TBC1D5: variants seen among roughly 807,000 people sequenced by gnomAD.
TBC1D5 encodes TBC1 domain family member 5, also known as TBC1 domain family, member 5.
A neutral mutation model predicts 100.3 loss-of-function variants in TBC1D5; 75 were observed. The ratio of observed to expected loss-of-function variants is 0.75; its 90% CI spans 0.62 to 0.91. TBC1D5 has a LOEUF of 0.91. Ranked by LOEUF, TBC1D5 falls within the 40% of genes least tolerant of loss-of-function variation. TBC1D5 has a pLI of 0.00. For synonymous variants in TBC1D5, 323 were observed against 325.6 expected, an observed-to-expected ratio of 0.99 and a Z score of 0.09; for missense variants, 910 against 942.4, an observed-to-expected ratio of 0.97 and a Z score of 0.45.
intron 15 of TBC1D5, among the ~76,000 whole-genome samples, chr3:17,285,906 AGT>A (rs1478229658): frequency 6.6e-6 from 1 of 152,242 alleles, no homozygotes; most frequent in Non-Finnish European, 1.5e-5. Flanking sequence ...ATATTTTTAT[AGT>A]GTGTTTCTGT....
At chr3:17,740,589 A>T (rs1195284681) in exon 1 of TBC1D5, 1 of 152,206 alleles carries the variant, frequency 6.6e-6, no homozygotes, top group Non-Finnish European at 1.5e-5. Context: ...GACATTTCTA[A>T]ACTTTTTAAT....
intron 2 of TBC1D5, chr3:17,586,580 T>C (rs1576860027): frequency 6.6e-6 from 1 of 152,030 alleles, no homozygotes; most frequent in South Asian, 2.1e-4. Context: ...ATAAATAAAA[T>C]AGCTGCAAAT....
intron 1 of TBC1D5, among the ~76,000 whole-genome samples, chr3:17,724,236 G>A (rs1418090648): frequency 6.6e-6 from 1 of 151,852 alleles, no homozygotes; most frequent in Non-Finnish European, 1.5e-5. Flanking sequence ...GGGACCACCA[G>A]CACACGCCAC....
chr3:17,188,584 T>C (rs921022530), intron 18 of TBC1D5, among the ~76,000 whole-genome samples: 7 of 152,240 alleles, frequency 4.6e-5, no homozygotes, highest in African/African-American at 1.2e-4. Flanking sequence ...AAAACATTTC[T>C]AAACCCTTCA....
chr3:17,214,244 G>A, exon 18 of TBC1D5: 2 of 1,613,326 alleles, frequency 1.2e-6, no homozygotes, highest in South Asian at 2.2e-5. Context: ...GTGTGAGCGA[G>A]AACGTGAGAT....
chr3:17,241,882 A>C (rs182274344), intron 16 of TBC1D5, among the ~76,000 whole-genome samples: 83 of 152,270 alleles, frequency 5.5e-4, no homozygotes, highest in Admixed American at 1.5e-3. Flanking sequence ...ACCCAAAAAA[A>C]CCCCAAATTA....
chr3:17,524,705 A>C (rs188235676), intron 2 of TBC1D5: 1 of 149,262 alleles, frequency 6.7e-6, no homozygotes, highest in East Asian at 2.0e-4. Context: ...CTAAAAATAC[A>C]AAAAAAAAAT....
intron 3 of TBC1D5, among the ~76,000 whole-genome samples, chr3:17,486,751 G>C (rs2095574047): frequency 1.3e-5 from 2 of 152,150 alleles, no homozygotes; most frequent in Admixed American, 1.3e-4. Flanking sequence ...TCACCCTCTA[G>C]ATCTACTGCA....
chr3:17,369,504 G>A (rs954901379), intron 13 of TBC1D5, among the ~76,000 whole-genome samples: 3 of 152,020 alleles, frequency 2.0e-5, no homozygotes, highest in Non-Finnish European at 4.4e-5. Flanking sequence ...TCATTTCAGA[G>A]CCTATGCTTC....
At chr3:17,460,833 T>A (rs2095192411) in intron 3 of TBC1D5, among the ~76,000 whole-genome samples, 1 of 151,842 alleles carries the variant, frequency 6.6e-6, no homozygotes, top group African/African-American at 2.4e-5. Context: ...AATATACTAG[T>A]GGGTCAGAAA....
intron 12 of TBC1D5, among the ~76,000 whole-genome samples, chr3:17,373,834 C>T (rs897436754): frequency 6.6e-6 from 1 of 151,914 alleles, no homozygotes; most frequent in African/African-American, 2.4e-5. Context: ...ATTAGTGATG[C>T]CAGGGCCTGT....
chr3:17,161,319 A>T, intron 21 of TBC1D5, 63 bp from the exon 23 acceptor site: 10 of 1,524,038 alleles, frequency 6.6e-6, no homozygotes, highest in Non-Finnish European at 8.8e-6. Context: ...ACTGAGTGGA[A>T]GGCCCTGTGA....
chr3:17,550,574 C>T (rs964233640), intron 2 of TBC1D5, among the ~76,000 whole-genome samples: 1 of 151,620 alleles, frequency 6.6e-6, no homozygotes, highest in Non-Finnish European at 1.5e-5. Flanking sequence ...CACAGAAGGT[C>T]TTCTTCTACA....
chr3:17,625,737 A>G (rs1016085125), intron 1 of TBC1D5, among the ~76,000 whole-genome samples: 3 of 152,110 alleles, frequency 2.0e-5, no homozygotes, highest in African/African-American at 7.2e-5. Context: ...TATGAAATAT[A>G]TGACATTGTT....
intron 1 of TBC1D5, 44 bp from the exon 2 acceptor site, chr3:17,623,957 G>T (rs2062869247): frequency 6.6e-6 from 1 of 151,676 alleles, no homozygotes; most frequent in Non-Finnish European, 1.5e-5. Flanking sequence ...CTATGAAATA[G>T]TTTTTAAATA....
chr3:17,466,503 A>G (rs569088440), intron 3 of TBC1D5, among the ~76,000 whole-genome samples: 1 of 152,310 alleles, frequency 6.6e-6, no homozygotes, highest in Non-Finnish European at 1.5e-5. Flanking sequence ...GCACACTTAC[A>G]ATTATTTCAT....
intron 14 of TBC1D5, among the ~76,000 whole-genome samples, chr3:17,302,330 G>A (rs998666505): frequency 6.6e-6 from 1 of 152,006 alleles, no homozygotes; most frequent in Admixed American, 6.5e-5. Flanking sequence ...CATGTCTCTT[G>A]CCAAATTTCC....
chr3:17,712,786 G>A lies in TBC1D5; in HGVS notation c.-101+26557C>T, dbSNP rs576799564. On this transcript the variant is annotated intron_variant, in intron 1 of 21. Transcript: ENST00000253692. ...GCATAAAGGAGAGCCACTCTGAGAC[G>A]CCTAACTGTAATTCCACACAACTCA... 7.5e-4 allele frequency among the ~76,000 whole-genome samples: 114 copies of A among 152,244 alleles called. 1 individual carries two copies. The Middle Eastern group carries it at 0.014, about 18-fold the overall frequency.
intron 15 of TBC1D5, among the ~76,000 whole-genome samples, chr3:17,269,249 T>C (rs1054956973): frequency 6.6e-6 from 1 of 151,784 alleles, no homozygotes; most frequent in Non-Finnish European, 1.5e-5. Context: ...CTAGGAGGGG[T>C]CAGTGGGGAG....
Sources: gnomAD v4.1 joint callset for allele counts (sites outside exome capture counted in the v4.1 genomes callset) on GRCh38, gnomAD v4.1.1 for gene constraint, MANE v1.5 for transcripts, NCBI Gene and HGNC (gene_info 2026-07-23, HGNC 2026-07-21) for gene names.